The following CHN1 variants were observed in gnomAD, a reference collection of about 807,000 sequenced individuals.
CHN1 encodes the protein N-chimaerin.
In CHN1, 37 loss-of-function variants were observed where a neutral mutation model predicts 59.5. That is an observed-to-expected ratio of 0.62 (90% confidence interval 0.48 to 0.82). The LOEUF is 0.82. CHN1 is among the 40% of genes least tolerant of loss of function. The pLI, the probability that CHN1 is intolerant of heterozygous loss-of-function variation, is 0.00. For synonymous variants in CHN1, 206 were observed against 200.4 expected, an observed-to-expected ratio of 1.03 and a Z score of -0.24; for missense variants, 469 against 571.0, an observed-to-expected ratio of 0.82 and a Z score of 1.82.
At chr2:174,906,560 T>C (rs1320786428) in intron 5 of CHN1, among the ~76,000 whole-genome samples, 1 of 152,152 alleles carries the variant, frequency 6.6e-6, no homozygotes, top group Admixed American at 6.6e-5. Context: ...ACCACTGAAC[T>C]GTACACTTGA....
intron 8 of CHN1, among the ~76,000 whole-genome samples, chr2:174,822,451 T>A (rs574622957): frequency 6.6e-6 from 1 of 152,356 alleles, no homozygotes; most frequent in South Asian, 2.1e-4. Context: ...CTGTACCTAT[T>A]CTCTATTAAT....
At chr2:174,888,890 T>C (rs1574130533) in intron 5 of CHN1, among the ~76,000 whole-genome samples, 1 of 152,324 alleles carries the variant, frequency 6.6e-6, no homozygotes, top group South Asian at 2.1e-4. Context: ...AGAGGTCTTA[T>C]GGTGCCACAG....
chr2:174,993,894 C>T (rs1327940791), intron 1 of CHN1, among the ~76,000 whole-genome samples: 1 of 152,162 alleles, frequency 6.6e-6, no homozygotes, highest in Non-Finnish European at 1.5e-5. Context: ...CTGTTTATAT[C>T]TGCTCTTCTC....
intron 7 of CHN1, among the ~76,000 whole-genome samples, chr2:174,830,940 A>C (rs774175151): frequency 1.3e-4 from 20 of 152,146 alleles, no homozygotes; most frequent in Admixed American, 8.5e-4. Flanking sequence ...GAGTAAGAAA[A>C]CTGTTCAAAA....
chr2:174,803,161 A>G (rs1684781708), intron 11 of CHN1, among the ~76,000 whole-genome samples: 1 of 152,242 alleles, frequency 6.6e-6, no homozygotes, highest in Admixed American at 6.5e-5. Context: ...AATGCACAAG[A>G]TAAAAAATCC....
intron 1 of CHN1, among the ~76,000 whole-genome samples, chr2:174,979,064 G>T (rs1559007428): frequency 2.0e-5 from 3 of 152,156 alleles, no homozygotes; most frequent in South Asian, 4.1e-4. Context: ...GTTGAAGAAA[G>T]ACATTAAATA....
chr2:174,824,313 A>C lies in CHN1; in HGVS notation c.712+121T>G, dbSNP rs902927971. The stretch of plus-strand genomic sequence containing the variant: ...GCTGCCTGAGAATCTGGCCTACTGC[A>C]TGTGCATAAGACCAAACCAGGATCC... On this transcript the variant is annotated intron_variant, in intron 8 of 12. Coordinates refer to ENST00000409900, the MANE Select transcript of CHN1 (RefSeq NM_001822.7). 1.0e-5 allele frequency: 6 copies of C among 599,658 alleles called. No individual in the cohort carries two copies. The African/African-American group carries it at 1.1e-4, about 11-fold the overall frequency. The allele number at this position is 599,658 out of a possible 1,614,324, so 37.1% of individuals were successfully genotyped here.
At chr2:174,971,424 T>G (rs1690756947) in intron 1 of CHN1, among the ~76,000 whole-genome samples, 1 of 152,182 alleles carries the variant, frequency 6.6e-6, no homozygotes, top group Non-Finnish European at 1.5e-5. Context: ...AATTTCAAAT[T>G]CAGTAAATAG....
chr2:174,814,998 A>G (rs1295818160), intron 8 of CHN1, among the ~76,000 whole-genome samples: 1 of 150,112 alleles, frequency 6.7e-6, no homozygotes, highest in Admixed American at 6.6e-5. Context: ...CTCATTCTTT[A>G]TCTTCTTTTG....
chr2:174,955,217 A>C (rs201511964), intron 1 of CHN1, among the ~76,000 whole-genome samples: 2 of 42,744 alleles, frequency 4.7e-5, no homozygotes, highest in African/African-American at 1.5e-4. Flanking sequence ...ATATATATAT[A>C]TCTATATAGA....
intron 1 of CHN1, among the ~76,000 whole-genome samples, chr2:174,974,894 TTAATACACAC>T (rs1414396307): frequency 1.2e-3 from 90 of 77,274 alleles, no homozygotes; most frequent in African/African-American, 3.5e-3. Context: ...TAAGAAATAA[TTAATACACAC>T]ACACACACAC....
intron 10 of CHN1, 130 bp from the exon 11 acceptor site, chr2:174,809,172 T>C: frequency 6.2e-6 from 5 of 810,896 alleles, no homozygotes; most frequent in Non-Finnish European, 9.3e-6. Flanking sequence ...TAAAATTTAG[T>C]GTGCTACGTT....
intron 7 of CHN1, among the ~76,000 whole-genome samples, chr2:174,825,386 A>T (rs1157365463): frequency 6.6e-6 from 1 of 152,228 alleles, no homozygotes; most frequent in Non-Finnish European, 1.5e-5. Flanking sequence ...TGCAGAAACT[A>T]CAGTTTATCA....
At position 174,993,367 on chromosome 2, in the gene CHN1, T is replaced by C. The variant is rs1691610859; in HGVS notation, c.19+11527A>G. ...ATGATTATCTTAAATACAATCTTCTTTGCTGCTTTAACAAGCGTTAGAATA... is the reference window on the plus strand; with the variant it reads ...ATGATTATCTTAAATACAATCTTCTCTGCTGCTTTAACAAGCGTTAGAATA... On this transcript the variant is annotated intron_variant, in intron 1 of 12. Transcript: ENST00000409900. Among the ~76,000 whole-genome samples, 3 of 152,302 alleles carry C rather than the reference T, an allele frequency of 2.0e-5. No individual in the cohort carries two copies. In the South Asian group the frequency reaches 6.2e-4, roughly 32 times the overall value.
At chr2:174,827,151 T>A (rs1034937953) in intron 7 of CHN1, among the ~76,000 whole-genome samples, 1 of 152,218 alleles carries the variant, frequency 6.6e-6, no homozygotes, top group Admixed American at 6.5e-5. Context: ...GTAACCTCTA[T>A]GACTCTATGA....
At chr2:174,855,356 T>C (rs1686869624) in intron 6 of CHN1, among the ~76,000 whole-genome samples, 2 of 152,184 alleles carry the variant, frequency 1.3e-5, no homozygotes, top group Non-Finnish European at 2.9e-5. Context: ...GCTGAGTAAC[T>C]GGATTAACTC....
At chr2:174,897,984 T>C (rs1379027277) in intron 5 of CHN1, among the ~76,000 whole-genome samples, 1 of 152,176 alleles carries the variant, frequency 6.6e-6, no homozygotes, top group Non-Finnish European at 1.5e-5. Flanking sequence ...TCCTCAGTGA[T>C]AGCATCCTGA....
intron 5 of CHN1, among the ~76,000 whole-genome samples, chr2:174,885,078 G>A (rs913075394): frequency 7.9e-5 from 12 of 151,654 alleles, no homozygotes; most frequent in Admixed American, 1.3e-4. Context: ...ACGAGGTCAG[G>A]AGATCAAGAC....
intron 5 of CHN1, among the ~76,000 whole-genome samples, chr2:174,912,696 G>A (rs13388128): frequency 0.47 from 71,282 of 151,926 alleles, 17,502 homozygotes; most frequent in African/African-American, 0.6. Context: ...TACATATATC[G>A]GTGCAACTTC....
Sources: gnomAD v4.1 joint callset for allele counts (sites outside exome capture counted in the v4.1 genomes callset) on GRCh38, gnomAD v4.1.1 for gene constraint, MANE v1.5 for transcripts, NCBI Gene and HGNC (gene_info 2026-07-23, HGNC 2026-07-21) for gene names.